The following MACROD2 variants were observed in gnomAD, a reference collection of about 807,000 sequenced individuals.
MACROD2 encodes mono-ADP ribosylhydrolase 2.
MACROD2 carries 36 observed loss-of-function variants against 70.4 expected under a neutral mutation model. The ratio of observed to expected loss-of-function variants is 0.51; its 90% CI spans 0.39 to 0.68. MACROD2 has a LOEUF of 0.68. MACROD2 is among the 30% of genes least tolerant of loss of function. The pLI, the probability that MACROD2 is intolerant of heterozygous loss-of-function variation, is 0.00. For synonymous variants in MACROD2, 172 were observed against 178.8 expected (o/e 0.96, Z 0.30); for missense variants, 496 against 538.4 (o/e 0.92, Z 0.78).
At chr20:15,960,686 TC>T (rs1385570824) in intron 12 of MACROD2, among the ~76,000 whole-genome samples, 1 of 152,064 alleles carries the variant, frequency 6.6e-6, no homozygotes, top group African/African-American at 2.4e-5. Context: ...CAGAAACATC[TC>T]CCTGAAGGGT....
chr20:14,741,757 G>A (rs1243527917), intron 5 of MACROD2, among the ~76,000 whole-genome samples: 3 of 151,968 alleles, frequency 2.0e-5, no homozygotes, highest in Admixed American at 1.3e-4. Flanking sequence ...TTCTTTTTAA[G>A]AATGCAGTAT....
At chr20:14,746,027 A>G (rs570463049) in intron 5 of MACROD2, among the ~76,000 whole-genome samples, 39 of 152,248 alleles carry the variant, frequency 2.6e-4, no homozygotes, top group African/African-American at 8.9e-4. Flanking sequence ...CCCCGCCCCA[A>G]TGCTGCTCTC....
chr20:14,049,174 T>TAAAAAAAAAAAAAAAAAAAAAAAAAAAAA (rs71335946), intron 2 of MACROD2, among the ~76,000 whole-genome samples: 1 of 69,770 alleles, frequency 1.4e-5, no homozygotes, highest in Non-Finnish European at 3.3e-5. Context: ...ATATATTTAA[T>TAAAAAAAAAAAAAAAAAAAAAAAAAAAAA]AAAAAAAAAA....
At chr20:15,471,499 C>T (rs1457379662) in intron 7 of MACROD2, among the ~76,000 whole-genome samples, 1 of 152,168 alleles carries the variant, frequency 6.6e-6, no homozygotes, top group Non-Finnish European at 1.5e-5. Flanking sequence ...CAGTAACTTA[C>T]ACAGAACTCA....
At chr20:15,795,770 G>A (rs1020127536) in intron 8 of MACROD2, among the ~76,000 whole-genome samples, 3 of 152,138 alleles carry the variant, frequency 2.0e-5, no homozygotes, top group Non-Finnish European at 4.4e-5. Context: ...TAGATAAAAG[G>A]CTCACCAATG....
chr20:14,143,173 T>C (rs2054899509), intron 3 of MACROD2, among the ~76,000 whole-genome samples: 1 of 152,238 alleles, frequency 6.6e-6, no homozygotes, highest in African/African-American at 2.4e-5. Context: ...ATGTTGGCTT[T>C]GTACATTGTT....
chr20:15,670,078 C>A (rs2049958506), intron 8 of MACROD2, among the ~76,000 whole-genome samples: 1 of 152,176 alleles, frequency 6.6e-6, no homozygotes, highest in South Asian at 2.1e-4. Flanking sequence ...CTGACCCCTG[C>A]ACTTTTAATC....
intron 15 of MACROD2, among the ~76,000 whole-genome samples, chr20:16,033,355 G>C (rs923127145): frequency 5.3e-5 from 8 of 152,098 alleles, no homozygotes; most frequent in Non-Finnish European, 1.5e-5. Flanking sequence ...ATTTAATCTA[G>C]CTACATCAGA....
intron 4 of MACROD2, among the ~76,000 whole-genome samples, chr20:14,590,582 C>T (rs565691356): frequency 6.6e-6 from 1 of 152,186 alleles, no homozygotes; most frequent in East Asian, 1.9e-4. Flanking sequence ...CTATTTTACT[C>T]ATTTGTCTGT....
chr20:14,961,323 T>C (rs1160443550), intron 5 of MACROD2, among the ~76,000 whole-genome samples: 1 of 152,118 alleles, frequency 6.6e-6, no homozygotes, highest in African/African-American at 2.4e-5. Flanking sequence ...ACTGAAGAAA[T>C]TGAGAACCAG....
intron 5 of MACROD2, among the ~76,000 whole-genome samples, chr20:15,192,031 T>G (rs1457308132): frequency 6.7e-6 from 1 of 150,286 alleles, no homozygotes; most frequent in Non-Finnish European, 1.5e-5. Context: ...TCTATCTATC[T>G]ATCTATCTAT....
intron 5 of MACROD2, among the ~76,000 whole-genome samples, chr20:15,192,967 CTT>C (rs2076581628): frequency 6.6e-6 from 1 of 152,134 alleles, no homozygotes; most frequent in Non-Finnish European, 1.5e-5. Context: ...ATTTCTGAGT[CTT>C]TATTAACAGA....
In MACROD2 at chr20:15,352,727, A is replaced by C. The variant is rs1290361582; in HGVS notation, c.541-78678A>C. 2.0e-5 allele frequency among the ~76,000 whole-genome samples: 3 copies of C among 152,202 alleles called. No homozygotes were observed. The East Asian group carries it at 5.8e-4, about 29-fold the overall frequency. The stretch of plus-strand genomic sequence containing the variant: ...CCAATAAGAGACAAACAGAGAGCCA[A>C]ATCATGAGTGAACTCCCAGTCACAG... On this transcript the variant is annotated intron_variant, in intron 6 of 17. Transcript: ENST00000684519.
In MACROD2 at chr20:14,397,593, T is replaced by C. The variant is rs538591869; in HGVS notation, c.272-95886T>C. On this transcript the variant is annotated intron_variant, in intron 3 of 17. Transcript: ENST00000684519. Reference sequence around the variant, plus strand: ...TATAAATTTTGCTTTAAATAATCAGTTATCTTTTTCCCTTTCATTTTTAGT... The same window carrying C: ...TATAAATTTTGCTTTAAATAATCAGCTATCTTTTTCCCTTTCATTTTTAGT... Among the ~76,000 whole-genome samples the C allele has an allele frequency of 5.9e-4, 90 of 152,278 alleles. 1 individual carries two copies. Among genetic ancestry groups the C allele is most frequent in the African/African-American group, 2.1e-3 (89 of 41,560 alleles).
chr20:15,606,689 T>C (rs1371726192), intron 8 of MACROD2, among the ~76,000 whole-genome samples: 1 of 152,134 alleles, frequency 6.6e-6, no homozygotes, highest in East Asian at 1.9e-4. Flanking sequence ...GATTAACTAG[T>C]AGAATGACTT....
chr20:14,334,295 A>G lies in MACROD2; in HGVS notation c.272-159184A>G, dbSNP rs148669890. Among the ~76,000 whole-genome samples, 112 of 152,288 alleles carry G rather than the reference A, an allele frequency of 7.4e-4. 1 individual carries two copies. The highest frequency in any genetic ancestry group is 2.6e-3 in the African/African-American group (110 of 41,562). The stretch of plus-strand genomic sequence containing the variant: ...TGTCGATCTGTATTTTGAAACTGGA[A>G]AATACTTTTTGAAATGTGTATACCT... On this transcript the variant is annotated intron_variant, in intron 3 of 17. Coordinates refer to ENST00000684519, the MANE Select transcript of MACROD2 (RefSeq NM_001351661.2).
chr20:15,025,342 T>C (rs531945566), intron 5 of MACROD2, among the ~76,000 whole-genome samples: 297 of 152,238 alleles, frequency 2.0e-3, no homozygotes, highest in Non-Finnish European at 3.1e-3. Context: ...TCTACCTCCT[T>C]GCTTCAGAAG....
chr20:14,734,622 C>CT (rs915076089), intron 5 of MACROD2, among the ~76,000 whole-genome samples: 4 of 148,790 alleles, frequency 2.7e-5, no homozygotes, highest in South Asian at 2.1e-4. Context: ...CAAAAAACAA[C>CT]TTTTTTTTTC....
At chr20:14,861,392 A>T (rs1026911877) in intron 5 of MACROD2, among the ~76,000 whole-genome samples, 2 of 152,058 alleles carry the variant, frequency 1.3e-5, no homozygotes, top group African/African-American at 4.8e-5. Context: ...TGACGTAATG[A>T]CTTTTTTTTG....
Sources: gnomAD v4.1 joint callset for allele counts (sites outside exome capture counted in the v4.1 genomes callset) on GRCh38, gnomAD v4.1.1 for gene constraint, MANE v1.5 for transcripts, NCBI Gene and HGNC (gene_info 2026-07-23, HGNC 2026-07-21) for gene names.